Variants in CFAP20DC observed in about 807,000 individuals in gnomAD.
CFAP20DC encodes CFAP20 domain containing.
A neutral mutation model predicts 101.7 loss-of-function variants in CFAP20DC; 84 were observed. That is an observed-to-expected ratio of 0.83 (90% confidence interval 0.69 to 0.99). CFAP20DC has a LOEUF of 0.99. CFAP20DC is among the 50% of genes least tolerant of loss of function. CFAP20DC has a pLI of 0.00. For synonymous variants in CFAP20DC, 359 were observed against 351.2 expected, an observed-to-expected ratio of 1.02 and a Z score of -0.25; for missense variants, 1,007 against 970.3, an observed-to-expected ratio of 1.04 and a Z score of -0.50.
intron 4 of CFAP20DC, among the ~76,000 whole-genome samples, chr3:58,962,679 G>C (rs1411111468): frequency 6.6e-6 from 1 of 152,140 alleles, no homozygotes; most frequent in Non-Finnish European, 1.5e-5. Flanking sequence ...TCGATTATGG[G>C]ACAATTCAAA....
intron 14 of CFAP20DC, among the ~76,000 whole-genome samples, chr3:58,806,832 G>C (rs998791068): frequency 3.9e-5 from 6 of 152,328 alleles, no homozygotes; most frequent in African/African-American, 9.6e-5. Context: ...AGGGGTGACA[G>C]ATGGCACCTG....
chr3:58,842,124 A>T (rs558358186), intron 13 of CFAP20DC, among the ~76,000 whole-genome samples: 1 of 152,368 alleles, frequency 6.6e-6, no homozygotes, highest in South Asian at 2.1e-4. Context: ...AATCATTTTC[A>T]GTAAGCATTC....
intron 5 of CFAP20DC, among the ~76,000 whole-genome samples, chr3:58,925,127 C>T (rs1207586531): frequency 1.3e-5 from 2 of 151,782 alleles, no homozygotes; most frequent in South Asian, 2.1e-4. Flanking sequence ...GTTTCTAGTC[C>T]CTGATTTTTT....
chr3:58,764,098 G>C (rs1468020501), intron 15 of CFAP20DC, among the ~76,000 whole-genome samples: 1 of 152,154 alleles, frequency 6.6e-6, no homozygotes, highest in Non-Finnish European at 1.5e-5. Context: ...AGAGGTTTCT[G>C]CTGCCTTTTG....
chr3:58,953,326 G>A (rs114188350), intron 4 of CFAP20DC, among the ~76,000 whole-genome samples: 136 of 152,314 alleles, frequency 8.9e-4, no homozygotes, highest in African/African-American at 3.1e-3. Flanking sequence ...GGAATCAAAT[G>A]CTAGGCTCAC....
At chr3:58,791,087 A>G (rs760672964) in intron 15 of CFAP20DC, among the ~76,000 whole-genome samples, 33 of 152,088 alleles carry the variant, frequency 2.2e-4, no homozygotes, top group Non-Finnish European at 3.5e-4. Context: ...TGCTGCACTG[A>G]GCCTGCTTCC....
chr3:58,797,794 G>A (rs2073365420), intron 15 of CFAP20DC, among the ~76,000 whole-genome samples: 1 of 152,162 alleles, frequency 6.6e-6, no homozygotes. Context: ...TTAAGTTGAA[G>A]CCAGTGGTCA....
At chr3:58,789,019 C>T (rs116014882) in intron 15 of CFAP20DC, among the ~76,000 whole-genome samples, 1,607 of 152,242 alleles carry the variant, frequency 0.011, 31 homozygotes, top group African/African-American at 0.037. Context: ...TCAACTGTAA[C>T]ATAAAATGTA....
intron 7 of CFAP20DC, among the ~76,000 whole-genome samples, chr3:58,880,186 A>G (rs2081122397): frequency 6.6e-6 from 1 of 152,166 alleles, no homozygotes; most frequent in Non-Finnish European, 1.5e-5. Flanking sequence ...GTCTTTTCTC[A>G]CTGCCCCTGT....
intron 13 of CFAP20DC, among the ~76,000 whole-genome samples, chr3:58,841,807 T>A (rs1559683551): frequency 6.6e-6 from 1 of 152,248 alleles, no homozygotes. Context: ...GTCTTTCTTA[T>A]GAAACTACGC....
Position 58,867,911 on chromosome 3 carries a change from C to T in CFAP20DC, c.1041G>A (p.Pro347=), listed in dbSNP as rs143379870. Residue 347 remains proline, a synonymous_variant, in exon 10 of 17, where the codon CCG becomes CCA. Transcript: ENST00000482387. ...IHAANLHIMH[P]HPPQEPSADK... is the part of the protein sequence containing the mutation. ...CTGCTGATGGTTCTTGAGGGGGATG[C>T]GGATGCATAATATGTAGATTGGCTG... is the stretch of plus-strand genomic sequence containing the variant. 18 of 1,611,944 alleles carry T rather than the reference C, an allele frequency of 1.1e-5. No homozygotes were observed. The highest frequency in any genetic ancestry group is 1.3e-5 in the African/African-American group (1 of 74,760).
intron 4 of CFAP20DC, among the ~76,000 whole-genome samples, chr3:59,009,824 A>C (rs1043212636): frequency 6.6e-6 from 1 of 152,176 alleles, no homozygotes; most frequent in Non-Finnish European, 1.5e-5. Context: ...TGTGAAACAA[A>C]AGCATCAGGT....
intron 10 of CFAP20DC, among the ~76,000 whole-genome samples, chr3:58,867,130 C>G (rs1402552269): frequency 6.6e-6 from 1 of 152,082 alleles, no homozygotes; most frequent in African/African-American, 2.4e-5. Flanking sequence ...ATTTTTCTAT[C>G]TACTCTTTTA....
At chr3:58,949,000 T>C (rs2089732611) in intron 4 of CFAP20DC, among the ~76,000 whole-genome samples, 1 of 152,232 alleles carries the variant, frequency 6.6e-6, no homozygotes, top group Non-Finnish European at 1.5e-5. Flanking sequence ...ATTCAACTTC[T>C]TCCTGGTTTA....
intron 15 of CFAP20DC, among the ~76,000 whole-genome samples, chr3:58,797,959 A>G (rs1430736562): frequency 6.6e-6 from 1 of 152,154 alleles, no homozygotes; most frequent in Non-Finnish European, 1.5e-5. Context: ...ACTGAGATCT[A>G]CTGCTCAGAA....
chr3:58,839,686 T>C (rs532127249), intron 13 of CFAP20DC, among the ~76,000 whole-genome samples: 28 of 152,318 alleles, frequency 1.8e-4, no homozygotes, highest in South Asian at 1.7e-3. Context: ...TGAACCATCA[T>C]AGTGTTGGCT....
At chr3:58,737,155 C>T (rs752710772), downstream of CFAP20DC, 1 of 456,522 alleles carries the variant, frequency 2.2e-6, no homozygotes, top group South Asian at 1.5e-5. The surrounding 1 kb of genome is among the most constrained non-coding windows in gnomAD (Gnocchi z 4.1). Context: ...CTTCAGCATA[C>T]CTTGTTTTGG....
At chr3:59,012,135 T>A (rs2093597082) in intron 4 of CFAP20DC, among the ~76,000 whole-genome samples, 1 of 152,164 alleles carries the variant, frequency 6.6e-6, no homozygotes, top group African/African-American at 2.4e-5. Flanking sequence ...CATAGAAGTA[T>A]AAAAAGAATT....
chr3:58,756,428 G>A (rs1033216261), intron 15 of CFAP20DC, among the ~76,000 whole-genome samples: 5 of 151,898 alleles, frequency 3.3e-5, no homozygotes, highest in Admixed American at 2.0e-4. Flanking sequence ...AACTGACTTC[G>A]GTTCTTTTTT....
Sources: gnomAD v4.1 joint callset for allele counts (sites outside exome capture counted in the v4.1 genomes callset) on GRCh38, gnomAD v4.1.1 for gene constraint, Gnocchi (gnomAD v3.1) non-coding constraint, MANE v1.5 for transcripts, NCBI Gene and HGNC (gene_info 2026-07-23, HGNC 2026-07-21) for gene names.